CADM2: variants seen among roughly 807,000 people sequenced by gnomAD.
CADM2 encodes the protein immunoglobulin superfamily member 4D.
A neutral mutation model predicts 49.8 loss-of-function variants in CADM2; 12 were observed. The observed-to-expected ratio is 0.24, with a 90% CI of 0.15 to 0.39. The LOEUF is 0.39. CADM2 is among the 10% of genes least tolerant of loss of function. CADM2 has a pLI of 1.00. For synonymous variants in CADM2, 214 were observed against 175.4 expected, an observed-to-expected ratio of 1.22 and a Z score of -1.74; for missense variants, 378 against 492.3, an observed-to-expected ratio of 0.77 and a Z score of 2.20.
At chr3:85,181,664 G>T (rs1320663712) in intron 1 of CADM2, among the ~76,000 whole-genome samples, 1 of 151,818 alleles carries the variant, frequency 6.6e-6, no homozygotes. Context: ...ACACAAGCAA[G>T]TTTGCATTTA....
intron 1 of CADM2, among the ~76,000 whole-genome samples, chr3:85,462,968 C>T (rs1307408373): frequency 6.6e-6 from 1 of 152,098 alleles, no homozygotes; most frequent in South Asian, 2.1e-4. Flanking sequence ...ACCTGGAAAA[C>T]CATTTTTCAT....
intron 8 of CADM2, among the ~76,000 whole-genome samples, chr3:86,056,609 G>A (rs1738022070): frequency 1.3e-5 from 2 of 152,190 alleles, no homozygotes; most frequent in African/African-American, 4.8e-5. Context: ...GAGGGAAGCT[G>A]CAGTCCAGTG....
At chr3:85,698,847 A>G (rs2066652637) in intron 1 of CADM2, among the ~76,000 whole-genome samples, 1 of 152,094 alleles carries the variant, frequency 6.6e-6, no homozygotes, top group South Asian at 2.1e-4. Flanking sequence ...AAGTACAACC[A>G]TGCCTTCCCA....
At chr3:85,310,820 C>T (rs2044323802) in intron 1 of CADM2, among the ~76,000 whole-genome samples, 1 of 152,114 alleles carries the variant, frequency 6.6e-6, no homozygotes. Context: ...AGGCTATTCT[C>T]TCCAACCTGG....
At chr3:85,663,235 C>T (rs113840682) in intron 1 of CADM2, among the ~76,000 whole-genome samples, 2,801 of 152,062 alleles carry the variant, frequency 0.018, 88 homozygotes, top group African/African-American at 0.055. Flanking sequence ...GTGAAGATTA[C>T]TCCATACTCC....
At chr3:85,706,031 C>A (rs1055342155) in intron 1 of CADM2, among the ~76,000 whole-genome samples, 1 of 152,068 alleles carries the variant, frequency 6.6e-6, no homozygotes, top group African/African-American at 2.4e-5. Flanking sequence ...AAACTATATT[C>A]GTAGAAATAA....
At chr3:84,982,509 A>G (rs1199451136) in intron 1 of CADM2, among the ~76,000 whole-genome samples, 1 of 151,572 alleles carries the variant, frequency 6.6e-6, no homozygotes, top group Non-Finnish European at 1.5e-5. Flanking sequence ...GTTAATATTC[A>G]TACACAATTT....
chr3:85,911,304 A>G (rs962047367), intron 5 of CADM2, among the ~76,000 whole-genome samples: 2 of 152,198 alleles, frequency 1.3e-5, no homozygotes, highest in Admixed American at 6.5e-5. Context: ...AGAAATTACA[A>G]ATTAAGCAAA....
At chr3:85,750,588 A>G (rs765818769) in intron 2 of CADM2, among the ~76,000 whole-genome samples, 3 of 152,178 alleles carry the variant, frequency 2.0e-5, no homozygotes, top group Non-Finnish European at 4.4e-5. Flanking sequence ...CAAAAATACA[A>G]CAAAGAAAAT....
intron 4 of CADM2, among the ~76,000 whole-genome samples, chr3:85,884,241 A>G (rs1713239645): frequency 6.6e-6 from 1 of 152,080 alleles, no homozygotes; most frequent in Non-Finnish European, 1.5e-5. Flanking sequence ...TTAAAGATTG[A>G]TTTTTTTCCC....
intron 8 of CADM2, among the ~76,000 whole-genome samples, chr3:86,048,454 A>G (rs547074346): frequency 6.6e-6 from 1 of 152,186 alleles, no homozygotes; most frequent in East Asian, 1.9e-4. Context: ...GACTTCCACA[A>G]TTTTATTGCT....
intron 1 of CADM2, among the ~76,000 whole-genome samples, chr3:85,240,109 T>G (rs1036746548): frequency 6.6e-6 from 1 of 151,496 alleles, no homozygotes; most frequent in African/African-American, 2.4e-5. Context: ...GCTATTTACT[T>G]TGTTACCAGA....
In CADM2 at chr3:85,113,295, T is replaced by G. The variant is rs116044088; in HGVS notation, c.61+153627T>G. Among the ~76,000 whole-genome samples the G allele has an allele frequency of 4.8e-3, 735 of 152,226 alleles. 6 individuals are homozygous for G. Among genetic ancestry groups the G allele is most frequent in the African/African-American group, 0.017 (709 of 41,554 alleles). ...TATAACAGATAAAGAAAATTCAGGT[T>G]GAAAACAGCCTTGTTACTAACAGAT... On this transcript the variant is annotated intron_variant, in intron 1 of 9. Coordinates refer to ENST00000383699, the MANE Select transcript of CADM2 (RefSeq NM_001167675.2).
intron 1 of CADM2, among the ~76,000 whole-genome samples, chr3:85,469,456 A>G (rs1268324726): frequency 6.6e-6 from 1 of 152,136 alleles, no homozygotes; most frequent in African/African-American, 2.4e-5. Flanking sequence ...TGGCCTCCAA[A>G]TGGACCCAAT....
At chr3:85,613,945 C>A (rs2063738315) in intron 1 of CADM2, among the ~76,000 whole-genome samples, 1 of 151,420 alleles carries the variant, frequency 6.6e-6, no homozygotes, top group African/African-American at 2.4e-5. Flanking sequence ...GGTAGTTTTG[C>A]ACGTAATAAA....
At chr3:85,377,354 G>A (rs2033653591) in intron 1 of CADM2, among the ~76,000 whole-genome samples, 2 of 152,024 alleles carry the variant, frequency 1.3e-5, no homozygotes, top group Admixed American at 1.3e-4. Context: ...GACAGAGGCT[G>A]GGAAGGACCT....
chr3:85,476,897 AACACACACACAC>A (rs35319709), intron 1 of CADM2, among the ~76,000 whole-genome samples: 1 of 145,910 alleles, frequency 6.9e-6, no homozygotes, highest in Non-Finnish European at 1.5e-5. Context: ...AAAGATTTTA[AACACACACACAC>A]ACACACACAC....
chr3:85,383,504 ATATATATATATG>A (rs58418256), intron 1 of CADM2, among the ~76,000 whole-genome samples: 68,654 of 101,864 alleles, frequency 0.67, 19,232 homozygotes, highest in East Asian at 0.81. Context: ...ACATAAAACC[ATATATATATATG>A]TATATATATA....
intron 1 of CADM2, among the ~76,000 whole-genome samples, chr3:85,666,066 C>G (rs894311180): frequency 7.9e-5 from 12 of 151,948 alleles, no homozygotes; most frequent in Admixed American, 3.3e-4. Context: ...AATCAATGTG[C>G]AAAAATCACG....
Sources: gnomAD v4.1 joint callset for allele counts (sites outside exome capture counted in the v4.1 genomes callset) on GRCh38, gnomAD v4.1.1 for gene constraint, MANE v1.5 for transcripts, NCBI Gene and HGNC (gene_info 2026-07-23, HGNC 2026-07-21) for gene names.